Variants in CNTNAP2 observed in about 807,000 individuals in gnomAD.
CNTNAP2 encodes contactin-associated protein-like 2.
Under a neutral mutation model 155.2 loss-of-function variants are expected in CNTNAP2, and 98 were observed. The ratio of observed to expected loss-of-function variants is 0.63; its 90% CI spans 0.54 to 0.75. The LOEUF (loss-of-function observed/expected upper bound fraction) is 0.75, where lower values mean the gene tolerates loss of function less well. Ranked by LOEUF, CNTNAP2 falls within the 30% of genes least tolerant of loss-of-function variation. The pLI is 0.00. For synonymous variants in CNTNAP2, 651 were observed against 631.2 expected (o/e 1.03, Z -0.47); for missense variants, 1,727 against 1,688.1 (o/e 1.02, Z -0.40).
chr7:147,727,747 C>CTTT (rs10689191), intron 13 of CNTNAP2, among the ~76,000 whole-genome samples: 37,885 of 141,440 alleles, frequency 0.27, 5,572 homozygotes, highest in Middle Eastern at 0.45. Flanking sequence ...CCAAAGCCTG[C>CTTT]TTTTTTTTTT....
At chr7:148,259,982 C>A (rs755985560) in intron 20 of CNTNAP2, among the ~76,000 whole-genome samples, 25 of 152,164 alleles carry the variant, frequency 1.6e-4, no homozygotes, top group Non-Finnish European at 2.8e-4. Flanking sequence ...TGACCACCAG[C>A]TAAATGTACA....
chr7:147,955,857 A>T (rs949199897), intron 14 of CNTNAP2, among the ~76,000 whole-genome samples: 1 of 152,224 alleles, frequency 6.6e-6, no homozygotes, highest in African/African-American at 2.4e-5. Context: ...ATCTCAGGAC[A>T]CTAAGTCTCC....
At chr7:148,263,163 G>A (rs75374169) in intron 20 of CNTNAP2, 3,008 of 152,290 alleles carry the variant, frequency 0.02, 32 homozygotes, top group Admixed American at 0.027. Flanking sequence ...CTCAGGCACT[G>A]CAGCTTCACC....
intron 1 of CNTNAP2, among the ~76,000 whole-genome samples, chr7:146,638,647 G>A (rs1799649867): frequency 6.6e-6 from 1 of 151,434 alleles, no homozygotes; most frequent in South Asian, 2.1e-4. Flanking sequence ...ACCACACCTG[G>A]CTAATTTTTT....
intron 9 of CNTNAP2, among the ~76,000 whole-genome samples, chr7:147,306,612 T>C (rs1795032060): frequency 6.6e-6 from 1 of 152,236 alleles, no homozygotes; most frequent in African/African-American, 2.4e-5. Flanking sequence ...GAAAGCACAT[T>C]CTACGTGGAA....
chr7:146,157,029 C>G (rs1798137607), intron 1 of CNTNAP2, among the ~76,000 whole-genome samples: 1 of 152,094 alleles, frequency 6.6e-6, no homozygotes, highest in Non-Finnish European at 1.5e-5. Flanking sequence ...AAAAGTAAAA[C>G]TGGAAAGTGA....
At chr7:146,317,761 A>G in intron 1 of CNTNAP2, among the ~76,000 whole-genome samples, 1 of 152,246 alleles carries the variant, frequency 6.6e-6, no homozygotes. Flanking sequence ...CTAACATTAC[A>G]CATGTCATCT....
At chr7:147,629,833 G>C (rs1318043749) in intron 12 of CNTNAP2, among the ~76,000 whole-genome samples, 1 of 152,070 alleles carries the variant, frequency 6.6e-6, no homozygotes. Context: ...GTGGTGCTGA[G>C]AGGAAAATTC....
At chr7:146,879,851 A>G (rs1562984737) in intron 3 of CNTNAP2, among the ~76,000 whole-genome samples, 1 of 152,272 alleles carries the variant, frequency 6.6e-6, no homozygotes, top group East Asian at 1.9e-4. Context: ...TTTATAAAGA[A>G]AAAGAAGTTT....
intron 1 of CNTNAP2, among the ~76,000 whole-genome samples, chr7:146,589,764 T>C (rs1799045207): frequency 6.7e-6 from 1 of 150,092 alleles, no homozygotes; most frequent in African/African-American, 2.4e-5. Context: ...AGCCCCCAAA[T>C]ATATAATGGA....
intron 21 of CNTNAP2, among the ~76,000 whole-genome samples, chr7:148,326,707 A>C (rs551219289): frequency 6.6e-6 from 1 of 151,950 alleles, no homozygotes. Context: ...TCTACTAAAA[A>C]TACAAAAATT....
intron 1 of CNTNAP2, among the ~76,000 whole-genome samples, chr7:146,446,355 A>T (rs898774680): frequency 1.3e-5 from 2 of 152,232 alleles, no homozygotes; most frequent in East Asian, 3.9e-4. Context: ...TCAGCTCCAA[A>T]TTATCTAGAG....
chr7:146,836,598 A>G (rs976047922), intron 2 of CNTNAP2, among the ~76,000 whole-genome samples: 4 of 152,118 alleles, frequency 2.6e-5, no homozygotes, highest in African/African-American at 7.2e-5. Context: ...TGACTTCCAC[A>G]TTTATTATAA....
chr7:146,386,798 A>G (rs1262832650), intron 1 of CNTNAP2, among the ~76,000 whole-genome samples: 1 of 152,190 alleles, frequency 6.6e-6, no homozygotes, highest in East Asian at 1.9e-4. Flanking sequence ...TTTTAGCAGT[A>G]TCATATAATG....
Position 147,870,909 on chromosome 7 carries a change from C to T in CNTNAP2, c.2099-32656C>T, listed in dbSNP as rs533229571. Among the ~76,000 whole-genome samples the T allele has an allele frequency of 3.9e-5, 6 of 152,088 alleles. No individual in the cohort carries two copies. In the South Asian group the frequency reaches 6.2e-4, roughly 16 times the overall value. On this transcript the variant is annotated intron_variant, in intron 13 of 23. Transcript: ENST00000361727. ...ATAGGGGGATCCTTTCAGAGTCCCTCCTATCCCTCAGGCTAACCAAGCATC... is the reference window on the plus strand; with the variant it reads ...ATAGGGGGATCCTTTCAGAGTCCCTTCTATCCCTCAGGCTAACCAAGCATC...
intron 1 of CNTNAP2, among the ~76,000 whole-genome samples, chr7:146,410,684 G>C (rs1408398958): frequency 6.6e-6 from 1 of 151,910 alleles, no homozygotes. Context: ...GTGTGTGTTG[G>C]ACCCTTCTAT....
At chr7:146,693,992 A>G (rs1175104942) in intron 1 of CNTNAP2, among the ~76,000 whole-genome samples, 1 of 152,140 alleles carries the variant, frequency 6.6e-6, no homozygotes, top group Non-Finnish European at 1.5e-5. Flanking sequence ...AAGCAGTGTA[A>G]TTATTTTAAA....
chr7:148,329,869 C>CT (rs1431021907), intron 21 of CNTNAP2, among the ~76,000 whole-genome samples: 1 of 152,222 alleles, frequency 6.6e-6, no homozygotes, highest in East Asian at 1.9e-4. Context: ...GCACACCCCC[C>CT]GGGCCAGGGC....
At chr7:147,448,558 T>C (rs1001704173) in intron 10 of CNTNAP2, among the ~76,000 whole-genome samples, 1 of 151,372 alleles carries the variant, frequency 6.6e-6, no homozygotes, top group Admixed American at 6.6e-5. Context: ...TGAACAAGTA[T>C]ATGGCAAGCA....
Sources: allele counts gnomAD v4.1 joint callset (sites outside exome capture counted in the v4.1 genomes callset), GRCh38; gene constraint gnomAD v4.1.1; transcripts MANE v1.5; gene names NCBI Gene and HGNC (gene_info 2026-07-23, HGNC 2026-07-21).